The following NTRK2 variants were observed in gnomAD, a reference collection of about 807,000 sequenced individuals.
The protein encoded by NTRK2 is BDNF/NT-3 growth factors receptor.
A neutral mutation model predicts 94.5 loss-of-function variants in NTRK2; 13 were observed. The ratio of observed to expected loss-of-function variants is 0.14; its 90% CI spans 0.09 to 0.22. The LOEUF (loss-of-function observed/expected upper bound fraction) is 0.22, where lower values mean the gene tolerates loss of function less well. Among genes scored for constraint, NTRK2 ranks in the 10% least tolerant of loss-of-function variants. The pLI is 1.00. For missense variants in NTRK2, 639 were observed against 1,071.2 expected, an observed-to-expected ratio of 0.60 and a Z score of 5.63; for synonymous variants, 372 against 407.4, an observed-to-expected ratio of 0.91 and a Z score of 1.05.
intron 14 of NTRK2, chr9:84,875,742 TC>T (rs1272939393): frequency 9.5e-7 from 1 of 1,052,696 alleles, no homozygotes; most frequent in Non-Finnish European, 1.1e-6. Flanking sequence ...TGTCCAGTGA[TC>T]CCCGGATCTT....
chr9:84,917,026 C>A (rs2077414732), intron 14 of NTRK2, among the ~76,000 whole-genome samples: 1 of 152,190 alleles, frequency 6.6e-6, no homozygotes, highest in South Asian at 2.1e-4. Context: ...TAGCCTTCCA[C>A]AGCCTCCTAC....
At chr9:84,803,133 C>A (rs929403805) in intron 12 of NTRK2, among the ~76,000 whole-genome samples, 1 of 152,160 alleles carries the variant, frequency 6.6e-6, no homozygotes, top group African/African-American at 2.4e-5. Flanking sequence ...AGTCTGTGCC[C>A]ACCCTGCTGT....
chr9:84,683,211 A>C (rs977901637), intron 2 of NTRK2, among the ~76,000 whole-genome samples: 1 of 152,130 alleles, frequency 6.6e-6, no homozygotes, highest in Admixed American at 6.5e-5. Flanking sequence ...TCCGGGATAC[A>C]TGTGCAGAAT....
intron 17 of NTRK2, among the ~76,000 whole-genome samples, chr9:84,988,571 G>A (rs1168596435): frequency 1.3e-5 from 2 of 152,218 alleles, no homozygotes; most frequent in Non-Finnish European, 2.9e-5. Flanking sequence ...AAAACTTTGT[G>A]ATGGGACCCT....
chr9:84,959,475 CTG>C (rs954349510), intron 17 of NTRK2, among the ~76,000 whole-genome samples: 17 of 152,182 alleles, frequency 1.1e-4, no homozygotes, highest in African/African-American at 3.4e-4. Context: ...AGCCATGTCT[CTG>C]TGCAATTCAT....
intron 15 of NTRK2, among the ~76,000 whole-genome samples, chr9:84,937,796 A>G (rs1007195318): frequency 3.3e-5 from 5 of 152,234 alleles, no homozygotes; most frequent in African/African-American, 1.2e-4. Flanking sequence ...GTTTCCCTGC[A>G]TTAACTGTGG....
intron 15 of NTRK2, among the ~76,000 whole-genome samples, chr9:84,940,981 T>C (rs1365168495): frequency 6.6e-6 from 1 of 152,134 alleles, no homozygotes; most frequent in East Asian, 1.9e-4. Flanking sequence ...TCCCAAAAAA[T>C]GGAAATTGAT....
chr9:84,802,390 C>T (rs2070594548), intron 12 of NTRK2, among the ~76,000 whole-genome samples: 2 of 152,318 alleles, frequency 1.3e-5, no homozygotes, highest in Middle Eastern at 3.4e-3. Flanking sequence ...TATGAAGGGA[C>T]TTCCTGCGCT....
intron 17 of NTRK2, among the ~76,000 whole-genome samples, chr9:85,009,599 G>A (rs1458175659): frequency 1.3e-5 from 2 of 152,196 alleles, no homozygotes; most frequent in East Asian, 1.9e-4. Context: ...TTAAAAGTAG[G>A]TCATGTCTTC....
intron 17 of NTRK2, among the ~76,000 whole-genome samples, chr9:84,996,771 A>G (rs1032928534): frequency 1.1e-4 from 16 of 152,260 alleles, no homozygotes; most frequent in Non-Finnish European, 2.1e-4. Context: ...AAGAAAGAAT[A>G]GAGAAGAGAT....
At chr9:84,953,114 T>G (rs1823679757) in intron 16 of NTRK2, among the ~76,000 whole-genome samples, 1 of 152,150 alleles carries the variant, frequency 6.6e-6, no homozygotes, top group South Asian at 2.1e-4. Context: ...GTGAAAACAT[T>G]GGCAATTTCC....
intron 14 of NTRK2, among the ~76,000 whole-genome samples, chr9:84,880,185 C>T (rs1300015930): frequency 2.0e-5 from 3 of 152,178 alleles, no homozygotes; most frequent in African/African-American, 7.2e-5. Flanking sequence ...CGGAGATTAG[C>T]ATATCTGATT....
intron 13 of NTRK2, among the ~76,000 whole-genome samples, chr9:84,861,589 C>A (rs982527436): frequency 5.4e-4 from 82 of 152,162 alleles, no homozygotes; most frequent in African/African-American, 1.9e-3. Context: ...GCATTCTATT[C>A]CCTGCATTCA....
chr9:84,998,407 A>G (rs967579201), intron 17 of NTRK2, among the ~76,000 whole-genome samples: 3 of 151,754 alleles, frequency 2.0e-5, no homozygotes, highest in African/African-American at 7.3e-5. Flanking sequence ...CTAAATCCCA[A>G]GTCCTGCCCA....
intron 14 of NTRK2, among the ~76,000 whole-genome samples, chr9:84,916,003 G>A (rs980684789): frequency 6.6e-6 from 1 of 152,020 alleles, no homozygotes; most frequent in Non-Finnish European, 1.5e-5. Context: ...GGAGGTTTAG[G>A]ATTGGTAGGG....
At chr9:84,923,981 G>A (rs2077655726) in intron 14 of NTRK2, among the ~76,000 whole-genome samples, 2 of 151,916 alleles carry the variant, frequency 1.3e-5, no homozygotes, top group African/African-American at 2.4e-5. Flanking sequence ...GTTGAAGGAA[G>A]AAAAGTTTTT....
intron 14 of NTRK2, among the ~76,000 whole-genome samples, chr9:84,926,106 T>TTCCCTTCC (rs1564470625): frequency 9.2e-6 from 1 of 108,854 alleles, no homozygotes; most frequent in African/African-American, 3.9e-5. Flanking sequence ...CCTTCCTTCC[T>TTCCCTTCC]TTCCTTCCTT....
At position 84,723,657 on chromosome 9, in the gene NTRK2, A is replaced by G. The variant is rs1477448636; in HGVS notation, c.668A>G (p.Asp223Gly). Reference protein sequence around the residue: ...SITLSCSVAGDPVPNMYWDVG... With the variant: ...SITLSCSVAGGPVPNMYWDVG... ...ACATTATCCTGTAGTGTGGCAGGTGATCCGGTTCCTAATATGTATTGGGAT... is the reference window on the plus strand; with the variant it reads ...ACATTATCCTGTAGTGTGGCAGGTGGTCCGGTTCCTAATATGTATTGGGAT... The change falls in exon 7 of 19, where the codon GAT becomes GGT. Residue 223 changes from aspartate (D) to glycine (G), a missense_variant. Around this residue, in one of 5 missense-constraint regions of NTRK2, gnomAD observed 12 missense variants for 27.8 expected, o/e 0.43. Coordinates refer to ENST00000277120, the MANE Select transcript of NTRK2 (RefSeq NM_006180.6). 6.2e-7 allele frequency: 1 copy of G among 1,614,002 alleles called. No individual in the cohort carries two copies. Among genetic ancestry groups the G allele is most frequent in the Non-Finnish European group, 8.5e-7 (1 of 1,179,984 alleles).
chr9:84,862,586 C>G (rs906986332), intron 13 of NTRK2, among the ~76,000 whole-genome samples: 1 of 152,184 alleles, frequency 6.6e-6, no homozygotes, highest in Non-Finnish European at 1.5e-5. Context: ...AGGTGCTGCT[C>G]TTATAAAACA....
Sources: gnomAD v4.1 joint callset for allele counts (sites outside exome capture counted in the v4.1 genomes callset) on GRCh38, gnomAD v4.1.1 for gene constraint, gnomAD v4.1.1 regional missense constraint, MANE v1.5 for transcripts, NCBI Gene and HGNC (gene_info 2026-07-23, HGNC 2026-07-21) for gene names.